Variants in RPRD1A observed in about 807,000 individuals in gnomAD.
The protein encoded by RPRD1A is regulation of nuclear pre-mRNA domain containing 1A.
Under a neutral mutation model 37.8 loss-of-function variants are expected in RPRD1A, and 9 were observed. The observed-to-expected ratio is 0.24, with a 90% confidence interval of 0.14 to 0.42. RPRD1A has a LOEUF of 0.42. Among genes scored for constraint, RPRD1A ranks in the 10% least tolerant of loss-of-function variants. The probability of loss-of-function intolerance (pLI) is 1.00; values close to 1 mark genes in which losing one functional copy is unlikely to be tolerated. For missense variants in RPRD1A, 255 were observed against 371.0 expected (o/e 0.69, Z 2.57); for synonymous variants, 138 against 139.7 (o/e 0.99, Z 0.08).
chr18:36,013,141 T>C (rs1181152705), intron 6 of RPRD1A, among the ~76,000 whole-genome samples: 1 of 152,208 alleles, frequency 6.6e-6, no homozygotes, highest in African/African-American at 2.4e-5. Flanking sequence ...GATTCCTTCT[T>C]GACTTGACCT....
chr18:36,025,013 A>C (rs575755899), intron 6 of RPRD1A: 55 of 152,386 alleles, frequency 3.6e-4, no homozygotes, highest in African/African-American at 1.3e-3. Flanking sequence ...GAAGAACAAC[A>C]AAAAAAGTTC....
chr18:36,034,370 T>A (rs553845860), intron 1 of RPRD1A, among the ~76,000 whole-genome samples: 54 of 152,268 alleles, frequency 3.5e-4, no homozygotes, highest in African/African-American at 1.3e-3. Flanking sequence ...GTTTCTGTCT[T>A]TAGATTACAT....
chr18:36,017,128 G>A (rs987847566), intron 6 of RPRD1A, among the ~76,000 whole-genome samples: 2 of 152,034 alleles, frequency 1.3e-5, no homozygotes, highest in African/African-American at 4.8e-5. Context: ...TGGGCAACAC[G>A]GTGAAACACT....
At chr18:36,025,803 G>A in intron 6 of RPRD1A, 1 of 317,712 alleles carries the variant, frequency 3.1e-6, no homozygotes, top group Non-Finnish European at 5.7e-6. Flanking sequence ...TTAAAATTGA[G>A]GTTTCATCAC....
intron 4 of RPRD1A, 41 bp from the exon 5 acceptor site, chr18:36,027,351 T>C: frequency 6.2e-7 from 1 of 1,606,770 alleles, no homozygotes; most frequent in Non-Finnish European, 8.5e-7. Flanking sequence ...AAATTGAGCT[T>C]AAACAAGTGC....
intron 1 of RPRD1A, among the ~76,000 whole-genome samples, chr18:36,040,107 T>C (rs185862605): frequency 6.2e-4 from 95 of 152,342 alleles, no homozygotes; most frequent in African/African-American, 2.2e-3. Flanking sequence ...CCTGCTTATA[T>C]AGTATACACA....
Position 36,026,963 on chromosome 18 carries a change from T to C in RPRD1A, c.726A>G (p.Arg242=). The part of the protein sequence containing the change: ...AEIDDRKQLT[R]MLADFLRCQK... ...GACAACGAAGAAAATCTGCTAACAT[T>C]CGAGTGAGTTGCTTTCTATCATCTA... Residue 242 remains arginine, a synonymous_variant, in exon 6 of 7, where the codon CGA becomes CGG. Coordinates refer to ENST00000399022, the MANE Select transcript of RPRD1A (RefSeq NM_018170.5). The C allele has an allele frequency of 1.2e-6, 2 of 1,614,030 alleles. No homozygotes were observed. The highest frequency in any genetic ancestry group is 1.7e-6 in the Non-Finnish European group (2 of 1,179,900).
chr18:36,022,340 G>A (rs1440020882), intron 6 of RPRD1A, among the ~76,000 whole-genome samples: 2 of 152,208 alleles, frequency 1.3e-5, no homozygotes, highest in African/African-American at 4.8e-5. Context: ...GTTGATGACG[G>A]TGGCTACACT....
intron 1 of RPRD1A, among the ~76,000 whole-genome samples, chr18:36,039,224 G>C (rs1241742515): frequency 3.3e-5 from 5 of 152,136 alleles, no homozygotes; most frequent in Non-Finnish European, 7.3e-5. Flanking sequence ...TGCCATGACT[G>C]TAAGTTTCCT....
chr18:36,039,362 C>T (rs753285695), intron 1 of RPRD1A, among the ~76,000 whole-genome samples: 22 of 152,136 alleles, frequency 1.4e-4, no homozygotes, highest in Non-Finnish European at 2.5e-4. Flanking sequence ...TGAGCACATC[C>T]CCCAGAAGGG....
rs139120381 is a variant in RPRD1A, at chr18:36,024,501, T to G, written c.789+2399A>C. Among the ~76,000 whole-genome samples, 28 of 152,140 alleles carry G rather than the reference T, an allele frequency of 1.8e-4. 1 individual carries two copies. In the East Asian group the frequency reaches 5.2e-3, roughly 28 times the overall value. On this transcript the variant is annotated intron_variant, in intron 6 of 6. Transcript: ENST00000399022. ...TTAGTAACCAACTATAGTCAGAAGT[T>G]TCAAAAATAATGATTGTCTTAAAAC...
At chr18:36,044,821 G>T (rs1478246998) in intron 1 of RPRD1A, among the ~76,000 whole-genome samples, 1 of 152,016 alleles carries the variant, frequency 6.6e-6, no homozygotes, top group Admixed American at 6.5e-5. Flanking sequence ...TTTAAAAACT[G>T]CAATTGTATC....
intron 1 of RPRD1A, among the ~76,000 whole-genome samples, chr18:36,052,339 T>G (rs968307756): frequency 5.3e-5 from 8 of 151,526 alleles, no homozygotes; most frequent in African/African-American, 1.9e-4. Flanking sequence ...ACTAGATAGA[T>G]AGTAACTAGA....
intron 6 of RPRD1A, among the ~76,000 whole-genome samples, chr18:36,022,378 A>C (rs1407157762): frequency 6.6e-6 from 1 of 152,238 alleles, no homozygotes; most frequent in African/African-American, 2.4e-5. Context: ...TGTAGAAAAA[A>C]GAGCCTGGTA....
At chr18:36,029,868 C>G (rs1414702493) in intron 4 of RPRD1A, among the ~76,000 whole-genome samples, 1 of 151,234 alleles carries the variant, frequency 6.6e-6, no homozygotes, top group Non-Finnish European at 1.5e-5. Context: ...TGCAGTGGTG[C>G]TATCTCGGTT....
chr18:36,063,967 C>G (rs1045716320), intron 1 of RPRD1A: 2 of 152,250 alleles, frequency 1.3e-5, no homozygotes, highest in African/African-American at 2.4e-5. Context: ...TTATGAAACA[C>G]TTAAACATAT....
intron 6 of RPRD1A, among the ~76,000 whole-genome samples, chr18:36,020,724 G>A (rs1004995163): frequency 1.3e-5 from 2 of 152,056 alleles, no homozygotes; most frequent in African/African-American, 4.8e-5. Flanking sequence ...TAGCTACTTG[G>A]GAGGCTGAGG....
chr18:36,016,136 CCA>C (rs1441240015), intron 6 of RPRD1A, among the ~76,000 whole-genome samples: 1 of 152,234 alleles, frequency 6.6e-6, no homozygotes, highest in Non-Finnish European at 1.5e-5. Context: ...AAACTGTCCT[CCA>C]CAGAGTGGAC....
intron 2 of RPRD1A, among the ~76,000 whole-genome samples, chr18:36,032,009 T>C (rs993094729): frequency 3.3e-5 from 5 of 152,188 alleles, no homozygotes; most frequent in Non-Finnish European, 7.3e-5. Context: ...CCACATATTC[T>C]CTCTACCTAG....
Sources: allele counts gnomAD v4.1 joint callset (sites outside exome capture counted in the v4.1 genomes callset), GRCh38; gene constraint gnomAD v4.1.1; transcripts MANE v1.5; gene names NCBI Gene and HGNC (gene_info 2026-07-23, HGNC 2026-07-21).